The following GALNTL6 variants were observed in gnomAD, a reference collection of about 807,000 sequenced individuals.
The protein encoded by GALNTL6 is polypeptide N-acetylgalactosaminyltransferase like 6.
GALNTL6 carries 46 observed loss-of-function variants against 73.7 expected under a neutral mutation model. That is an observed-to-expected ratio of 0.62 (90% CI 0.49 to 0.80). The LOEUF (loss-of-function observed/expected upper bound fraction) is 0.80, where lower values mean the gene tolerates loss of function less well. Ranked by LOEUF, GALNTL6 falls within the 30% of genes least tolerant of loss-of-function variation. GALNTL6 has a pLI of 0.00. For missense variants in GALNTL6, 604 were observed against 755.0 expected, an observed-to-expected ratio of 0.80 and a Z score of 2.34; for synonymous variants, 259 against 263.7, an observed-to-expected ratio of 0.98 and a Z score of 0.17.
intron 3 of GALNTL6, among the ~76,000 whole-genome samples, chr4:172,260,375 G>A (rs1240548942): frequency 1.3e-5 from 2 of 151,502 alleles, no homozygotes; most frequent in Non-Finnish European, 3.0e-5. Context: ...TATTATAAAA[G>A]GGATTGAGTT....
intron 7 of GALNTL6, among the ~76,000 whole-genome samples, chr4:172,868,685 T>G (rs1744779359): frequency 6.6e-6 from 1 of 152,220 alleles, no homozygotes; most frequent in Non-Finnish European, 1.5e-5. Context: ...CTGAAACTCC[T>G]AATGGAAGCA....
intron 5 of GALNTL6, among the ~76,000 whole-genome samples, chr4:172,670,358 A>T (rs1410317131): frequency 6.6e-6 from 1 of 151,870 alleles, no homozygotes; most frequent in African/African-American, 2.4e-5. Flanking sequence ...TTGGTGTGAG[A>T]TGGTATCTAA....
chr4:171,873,494 G>T (rs958786671), intron 2 of GALNTL6, among the ~76,000 whole-genome samples: 8 of 152,284 alleles, frequency 5.3e-5, no homozygotes, highest in Non-Finnish European at 1.0e-4. Context: ...GTATATTTCT[G>T]TATACCCATC....
intron 12 of GALNTL6, among the ~76,000 whole-genome samples, chr4:173,027,435 G>A (rs1392271756): frequency 3.3e-5 from 5 of 152,164 alleles, no homozygotes; most frequent in East Asian, 1.9e-4. Flanking sequence ...CTGAAGTGAC[G>A]CTTTTATTGT....
chr4:173,017,911 A>G (rs1431306388), intron 11 of GALNTL6, among the ~76,000 whole-genome samples: 2 of 152,238 alleles, frequency 1.3e-5, no homozygotes, highest in African/African-American at 4.8e-5. Flanking sequence ...AGTAAAATGT[A>G]TGAAAAGGCC....
intron 5 of GALNTL6, among the ~76,000 whole-genome samples, chr4:172,376,662 C>T (rs6836482): frequency 8.0e-4 from 122 of 152,124 alleles, no homozygotes; most frequent in African/African-American, 2.7e-3. Context: ...AAAAGGGGTC[C>T]GATGGTACTC....
intron 2 of GALNTL6, among the ~76,000 whole-genome samples, chr4:171,895,894 A>T (rs1045711872): frequency 2.0e-5 from 3 of 151,938 alleles, no homozygotes; most frequent in African/African-American, 7.3e-5. Context: ...CTTGATTTTT[A>T]AAAATGCAAT....
chr4:172,909,173 T>C (rs554033732), intron 8 of GALNTL6, among the ~76,000 whole-genome samples: 1 of 151,470 alleles, frequency 6.6e-6, no homozygotes, highest in East Asian at 1.9e-4. Flanking sequence ...GAAAAAAAAA[T>C]TGAATCCCAC....
At chr4:172,912,400 G>A (rs1252477547) in intron 8 of GALNTL6, among the ~76,000 whole-genome samples, 3 of 152,234 alleles carry the variant, frequency 2.0e-5, no homozygotes, top group Admixed American at 2.0e-4. Flanking sequence ...TGGAGTGTGA[G>A]CCAAAGCAGG....
At chr4:172,878,272 A>G (rs540248456) in intron 7 of GALNTL6, among the ~76,000 whole-genome samples, 17 of 151,914 alleles carry the variant, frequency 1.1e-4, no homozygotes, top group Non-Finnish European at 2.1e-4. Flanking sequence ...TGCATAATAC[A>G]TCACAATTTA....
At chr4:171,816,553 A>G (rs1450068429) in intron 2 of GALNTL6, among the ~76,000 whole-genome samples, 1 of 152,118 alleles carries the variant, frequency 6.6e-6, no homozygotes, top group African/African-American at 2.4e-5. Flanking sequence ...TTGATATTGT[A>G]TGACATTCCA....
intron 5 of GALNTL6, among the ~76,000 whole-genome samples, chr4:172,404,204 G>A (rs1400980633): frequency 6.6e-6 from 1 of 151,904 alleles, no homozygotes; most frequent in Non-Finnish European, 1.5e-5. Context: ...TTAACTGAAT[G>A]TCTTGTATTT....
At chr4:172,566,199 CATACAG>C (rs1460556272) in intron 5 of GALNTL6, among the ~76,000 whole-genome samples, 1 of 152,162 alleles carries the variant, frequency 6.6e-6, no homozygotes, top group African/African-American at 2.4e-5. Flanking sequence ...GTACACCTAA[CATACAG>C]ATACAAAATA....
intron 5 of GALNTL6, among the ~76,000 whole-genome samples, chr4:172,411,602 C>G (rs1400492718): frequency 2.0e-5 from 3 of 150,536 alleles, no homozygotes; most frequent in African/African-American, 7.3e-5. Context: ...TTTCACCTCA[C>G]TGGACATGTT....
chr4:172,478,905 G>GA (rs1733338955), intron 5 of GALNTL6, among the ~76,000 whole-genome samples: 1 of 152,090 alleles, frequency 6.6e-6, no homozygotes, highest in Non-Finnish European at 1.5e-5. Context: ...ACAAACATGT[G>GA]AAAAAATGCT....
rs1740986695 is a variant in GALNTL6 at position 172,010,903 on chromosome 4, A to G, written c.138+196185A>G. On this transcript the variant is annotated intron_variant, in intron 2 of 12. Transcript: ENST00000506823. ...TGTAAGAGTAATTTTTCAGAAAGAA[A>G]ATAAGATTTGAGATGGTTCTTGTAA... 2.6e-5 allele frequency among the ~76,000 whole-genome samples: 4 copies of G among 152,092 alleles called. 1 individual carries two copies. In the South Asian group the frequency reaches 8.3e-4, roughly 31 times the overall value.
At chr4:172,855,196 G>GAAAAAA (rs3087060) in intron 7 of GALNTL6, among the ~76,000 whole-genome samples, 1 of 138,906 alleles carries the variant, frequency 7.2e-6, no homozygotes, top group Non-Finnish European at 1.5e-5. Flanking sequence ...ACTTTGAGGT[G>GAAAAAA]AAAAAAAAAA....
chr4:172,310,318 T>G (rs1245754704), intron 3 of GALNTL6, among the ~76,000 whole-genome samples: 1 of 152,144 alleles, frequency 6.6e-6, no homozygotes, highest in Non-Finnish European at 1.5e-5. Flanking sequence ...TCACCCATGC[T>G]GGAATGCAGT....
At chr4:172,179,989 T>C (rs993328166) in intron 2 of GALNTL6, among the ~76,000 whole-genome samples, 3 of 152,202 alleles carry the variant, frequency 2.0e-5, no homozygotes, top group African/African-American at 7.2e-5. Flanking sequence ...TCAAATGGTA[T>C]TTCTAGTTCT....
Sources: gnomAD v4.1 joint callset for allele counts (sites outside exome capture counted in the v4.1 genomes callset) on GRCh38, gnomAD v4.1.1 for gene constraint, MANE v1.5 for transcripts, NCBI Gene and HGNC (gene_info 2026-07-23, HGNC 2026-07-21) for gene names.